Variants in AFG2A observed in about 807,000 individuals in gnomAD.
The protein encoded by AFG2A is AAA ATPase AFG2A.
the AFG2A span, among the ~76,000 whole-genome samples, chr4:122,961,707 G>A: frequency 2.6e-5 from 4 of 152,270 alleles, 1 homozygote; most frequent in Admixed American, 2.6e-4. Flanking sequence ...GTTCCACCAT[G>A]TTGACCAGTT....
At chr4:123,220,475 G>T in the AFG2A span, among the ~76,000 whole-genome samples, 2 of 151,680 alleles carry the variant, frequency 1.3e-5, no homozygotes, top group African/African-American at 4.8e-5. Flanking sequence ...TTAGCTGGGT[G>T]TGGTGGTGCA....
At chr4:123,208,154 G>A in the AFG2A span, among the ~76,000 whole-genome samples, 58 of 152,088 alleles carry the variant, frequency 3.8e-4, no homozygotes, top group African/African-American at 1.3e-3. Context: ...TGAATTAATC[G>A]AATATCCACA....
At chr4:122,932,591 T>A in the AFG2A span, among the ~76,000 whole-genome samples, 4 of 152,136 alleles carry the variant, frequency 2.6e-5, no homozygotes, top group Admixed American at 2.0e-4. Context: ...TATGGGCTGC[T>A]TATGCACAAG....
chr4:123,195,294 T>G, the AFG2A span, among the ~76,000 whole-genome samples: 3 of 152,240 alleles, frequency 2.0e-5, no homozygotes, highest in East Asian at 5.8e-4. Flanking sequence ...GCAATCAGAA[T>G]TATGTTGAAG....
chr4:123,173,131 A>G, the AFG2A span, among the ~76,000 whole-genome samples: 3 of 152,062 alleles, frequency 2.0e-5, no homozygotes, highest in Admixed American at 6.6e-5. Context: ...TTTATAGGAC[A>G]TTGTTACCAG....
At chr4:123,275,181 A>G in the AFG2A span, among the ~76,000 whole-genome samples, 11,014 of 152,116 alleles carry the variant, frequency 0.072, 744 homozygotes, top group African/African-American at 0.18. Context: ...TGTAAAACAT[A>G]CCATTTCTTT....
At chr4:122,923,392 G>A in the AFG2A span, 1 of 1,555,258 alleles carries the variant, frequency 6.4e-7, no homozygotes, top group South Asian at 1.2e-5. Context: ...GGGGTGCAGA[G>A]ACTTTTGAAA....
At chr4:123,017,147 GA>G in the AFG2A span, among the ~76,000 whole-genome samples, 49 of 85,252 alleles carry the variant, frequency 5.7e-4, 1 homozygote, top group African/African-American at 1.5e-3. Context: ...GGGAGAGGGA[GA>G]GGGGGGAGAG....
At chr4:123,096,261 T>C in the AFG2A span, among the ~76,000 whole-genome samples, 1 of 147,170 alleles carries the variant, frequency 6.8e-6, no homozygotes, top group East Asian at 1.9e-4. Context: ...TAGGATGCGG[T>C]AGGACAGATG....
the AFG2A span, among the ~76,000 whole-genome samples, chr4:123,016,718 G>A: frequency 1.3e-5 from 2 of 151,762 alleles, no homozygotes; most frequent in African/African-American, 2.4e-5. Context: ...CCCAGACGGG[G>A]TGGCGGCCGG....
chr4:122,947,299 C>T, the AFG2A span: 11 of 1,613,170 alleles, frequency 6.8e-6, no homozygotes, highest in Non-Finnish European at 9.3e-6. Flanking sequence ...GGATGCTGCT[C>T]TCCGAAGACC....
chr4:123,238,057 C>CG, the AFG2A span, among the ~76,000 whole-genome samples: 2 of 152,208 alleles, frequency 1.3e-5, no homozygotes, highest in South Asian at 4.1e-4. Flanking sequence ...CCAACACCCA[C>CG]GGAGCCTTGC....
chr4:123,124,085 C>T, the AFG2A span, among the ~76,000 whole-genome samples: 1 of 151,874 alleles, frequency 6.6e-6, no homozygotes, highest in African/African-American at 2.4e-5. Flanking sequence ...TGTGGCAATT[C>T]CTCAAGGATC....
chr4:122,927,303 A>G, the AFG2A span, among the ~76,000 whole-genome samples: 19 of 152,296 alleles, frequency 1.2e-4, no homozygotes, highest in Non-Finnish European at 1.2e-4. Flanking sequence ...CTAGTAGCTG[A>G]CTCAACTTTG....
the AFG2A span, among the ~76,000 whole-genome samples, chr4:123,061,990 G>A: frequency 1.3e-5 from 2 of 152,132 alleles, no homozygotes; most frequent in Non-Finnish European, 2.9e-5. Flanking sequence ...CTCTTAAAAT[G>A]TCTCTGAAAT....
the AFG2A span, among the ~76,000 whole-genome samples, chr4:123,205,695 T>C: frequency 6.6e-6 from 1 of 152,114 alleles, no homozygotes; most frequent in Non-Finnish European, 1.5e-5. Context: ...GGGAGGGGAT[T>C]GGAACCAATC....
the AFG2A span, among the ~76,000 whole-genome samples, chr4:123,221,200 G>A: frequency 2.0e-5 from 3 of 152,208 alleles, no homozygotes; most frequent in Admixed American, 2.0e-4. Context: ...CTGTCACCCA[G>A]GCTGGGGTGC....
the AFG2A span, among the ~76,000 whole-genome samples, chr4:123,134,061 A>G: frequency 6.6e-6 from 1 of 151,998 alleles, no homozygotes; most frequent in Non-Finnish European, 1.5e-5. Flanking sequence ...GTTTCTCCCA[A>G]TCTGGGGTTT....
At chr4:122,979,136 C>T in the AFG2A span, 5 of 1,427,794 alleles carry the variant, frequency 3.5e-6, no homozygotes, top group South Asian at 1.4e-5. Flanking sequence ...CCAGTGTCTT[C>T]ACTGTTGCCA....
Sources: gnomAD v4.1 joint callset for allele counts (sites outside exome capture counted in the v4.1 genomes callset) on GRCh38, gnomAD v4.1.1 for gene constraint, MANE v1.5 for transcripts, NCBI Gene and HGNC (gene_info 2026-07-23, HGNC 2026-07-21) for gene names.